Variants in MBD5 observed in about 807,000 individuals in gnomAD.
MBD5 encodes the protein methyl-CpG-binding domain protein 5.
In MBD5, 13 loss-of-function variants were observed where a neutral mutation model predicts 117.3. The ratio of observed to expected loss-of-function variants is 0.11; its 90% CI spans 0.07 to 0.18. The LOEUF is 0.18. MBD5 is among the 10% of genes least tolerant of loss of function. The pLI is 1.00. For missense variants in MBD5, 1,879 were observed against 2,093.8 expected (o/e 0.90, Z 2.00); for synonymous variants, 727 against 766.4 (o/e 0.95, Z 0.85).
chr2:148,461,037 T>C (rs1574449721), intron 5 of MBD5, among the ~76,000 whole-genome samples: 1 of 152,246 alleles, frequency 6.6e-6, no homozygotes, highest in Admixed American at 6.5e-5. Flanking sequence ...GGTTCAAACA[T>C]TTCTCATGCC....
chr2:148,049,308 A>C (rs894869454), intron 1 of MBD5, among the ~76,000 whole-genome samples: 1 of 152,142 alleles, frequency 6.6e-6, no homozygotes, highest in African/African-American at 2.4e-5. Flanking sequence ...GAACCAAGGG[A>C]GGAATTTGGA....
chr2:148,243,613 G>A (rs1319612932), intron 3 of MBD5: 2 of 151,634 alleles, frequency 1.3e-5, no homozygotes, highest in Non-Finnish European at 2.9e-5. Flanking sequence ...TTTTAAAGTT[G>A]TAAGATAATT....
chr2:148,240,623 C>A (rs1321845340), intron 3 of MBD5, among the ~76,000 whole-genome samples: 2 of 152,146 alleles, frequency 1.3e-5, no homozygotes, highest in East Asian at 3.8e-4. Context: ...TCTTTCTAAT[C>A]ATTACTACAT....
chr2:148,362,479 T>G (rs1185992340), intron 4 of MBD5, among the ~76,000 whole-genome samples: 1 of 152,116 alleles, frequency 6.6e-6, no homozygotes, highest in Non-Finnish European at 1.5e-5. Context: ...AAAGGCAGCA[T>G]CCCCAGTCAG....
intron 4 of MBD5, among the ~76,000 whole-genome samples, chr2:148,406,293 T>C (rs1705075137): frequency 6.6e-6 from 1 of 152,206 alleles, no homozygotes; most frequent in Non-Finnish European, 1.5e-5. Flanking sequence ...ACTGTAACAC[T>C]CCCATTGTAC....
At chr2:148,496,109 T>C (rs1485162200) in intron 11 of MBD5, among the ~76,000 whole-genome samples, 1 of 152,268 alleles carries the variant, frequency 6.6e-6, no homozygotes, top group East Asian at 1.9e-4. Flanking sequence ...CTTTGCCTTA[T>C]ACATTTTCTT....
In MBD5 at chr2:148,398,589, C is replaced by A. The variant is rs189883899; in HGVS notation, c.-557+56253C>A. Among the ~76,000 whole-genome samples, 752 of 152,154 alleles carry A rather than the reference C, an allele frequency of 4.9e-3. 8 individuals carry two copies. Among genetic ancestry groups the A allele is most frequent in the Non-Finnish European group, 6.3e-3 (427 of 68,012 alleles). On this transcript the variant is annotated intron_variant, in intron 4 of 13. Transcript: ENST00000642680. ...ATGAGTAGATTGCAAAAAGTTTCTC[C>A]CATTCTGTAGGTTGCCTGTTCACTC...
At chr2:148,141,975 C>CAAT (rs148308897) in intron 1 of MBD5, among the ~76,000 whole-genome samples, 1,897 of 151,384 alleles carry the variant, frequency 0.013, 43 homozygotes, top group African/African-American at 0.042. Context: ...GGCACTGTCT[C>CAAT]AATAATAATA....
chr2:148,182,885 G>T (rs1007762477), intron 2 of MBD5, among the ~76,000 whole-genome samples: 8 of 152,088 alleles, frequency 5.3e-5, no homozygotes, highest in Admixed American at 1.3e-4. Flanking sequence ...CCATGTAATG[G>T]GCACCCCGCT....
intron 3 of MBD5, among the ~76,000 whole-genome samples, chr2:148,333,128 T>G (rs1221984098): frequency 6.6e-6 from 1 of 152,216 alleles, no homozygotes; most frequent in East Asian, 1.9e-4. Context: ...TTCTCTTATA[T>G]GTTAGAAACA....
intron 4 of MBD5, among the ~76,000 whole-genome samples, chr2:148,440,401 T>C (rs1001218275): frequency 9.2e-5 from 14 of 152,136 alleles, no homozygotes; most frequent in African/African-American, 3.4e-4. Flanking sequence ...ACTGGTGATA[T>C]CCCCTGAATG....
chr2:148,350,716 A>G (rs1002883703), intron 4 of MBD5, among the ~76,000 whole-genome samples: 3 of 152,010 alleles, frequency 2.0e-5, no homozygotes, highest in Non-Finnish European at 2.9e-5. Flanking sequence ...CTTAGCATCT[A>G]TCCTGCTAAA....
At chr2:148,453,454 T>C (rs915727146) in intron 4 of MBD5, among the ~76,000 whole-genome samples, 2 of 152,044 alleles carry the variant, frequency 1.3e-5, no homozygotes, top group Non-Finnish European at 2.9e-5. Flanking sequence ...TGCATCTCAT[T>C]ATTATTGCTA....
chr2:148,477,165 C>T (rs557145724), intron 8 of MBD5, among the ~76,000 whole-genome samples: 1 of 152,172 alleles, frequency 6.6e-6, no homozygotes, highest in African/African-American at 2.4e-5. Context: ...ACTCCATCAC[C>T]ACCACGAGAC....
At chr2:148,373,547 C>T (rs1294098743) in intron 4 of MBD5, among the ~76,000 whole-genome samples, 1 of 152,064 alleles carries the variant, frequency 6.6e-6, no homozygotes, top group African/African-American at 2.4e-5. Flanking sequence ...ATAAGGCTTT[C>T]TAGAGCATGC....
intron 3 of MBD5, among the ~76,000 whole-genome samples, chr2:148,303,587 A>C (rs1424088471): frequency 1.3e-5 from 2 of 152,248 alleles, no homozygotes; most frequent in Non-Finnish European, 2.9e-5. Context: ...AATATGAATA[A>C]GAAAAAATAA....
chr2:148,387,462 C>T (rs1019255059), intron 4 of MBD5, among the ~76,000 whole-genome samples: 12 of 152,064 alleles, frequency 7.9e-5, no homozygotes, highest in Non-Finnish European at 7.4e-5. Context: ...CAATGAAGTA[C>T]TAGAAGCATT....
At chr2:148,283,148 A>G (rs1241504900) in intron 3 of MBD5, among the ~76,000 whole-genome samples, 3 of 152,128 alleles carry the variant, frequency 2.0e-5, no homozygotes, top group African/African-American at 7.2e-5. Flanking sequence ...ATTAAATGCA[A>G]TAAGGTATTC....
At chr2:148,224,649 C>T (rs540624117) in intron 2 of MBD5, among the ~76,000 whole-genome samples, 1 of 151,416 alleles carries the variant, frequency 6.6e-6, no homozygotes, top group African/African-American at 2.4e-5. Context: ...GCGTGAGCCA[C>T]CACACCTGGC....
Sources: gnomAD v4.1 joint callset for allele counts (sites outside exome capture counted in the v4.1 genomes callset) on GRCh38, gnomAD v4.1.1 for gene constraint, MANE v1.5 for transcripts, NCBI Gene and HGNC (gene_info 2026-07-23, HGNC 2026-07-21) for gene names.